Variants in UNC13C observed in about 807,000 individuals in gnomAD.
UNC13C encodes protein unc-13 homolog C.
In UNC13C, 174 loss-of-function variants were observed where a neutral mutation model predicts 245.4. That is an observed-to-expected ratio of 0.71 (90% confidence interval 0.63 to 0.80). The LOEUF is 0.80. Ranked by LOEUF, UNC13C falls within the 30% of genes least tolerant of loss-of-function variation. UNC13C has a pLI of 0.00. For missense variants in UNC13C, 2,829 were observed against 2,602.9 expected, an observed-to-expected ratio of 1.09 and a Z score of -1.89; for synonymous variants, 992 against 895.1, an observed-to-expected ratio of 1.11 and a Z score of -1.93.
At chr15:53,959,302 A>G in the UNC13C span, among the ~76,000 whole-genome samples, 10 of 151,754 alleles carry the variant, frequency 6.6e-5, no homozygotes, top group African/African-American at 2.4e-4. Flanking sequence ...TCTTGTATAT[A>G]TTCTCAGCAG....
chr15:54,236,502 A>T, intron 6 of UNC13C, 67 bp downstream of exon 6: 1 of 1,275,520 alleles, frequency 7.8e-7, no homozygotes, highest in Non-Finnish European at 1.1e-6. Flanking sequence ...GCACTTACTC[A>T]TGGGGTAAAA....
intron 10 of UNC13C, among the ~76,000 whole-genome samples, chr15:54,290,305 TAAG>T (rs1456153272): frequency 6.6e-6 from 1 of 152,068 alleles, no homozygotes. Context: ...GACAGGTTAA[TAAG>T]AAATAATTAG....
intron 4 of UNC13C, among the ~76,000 whole-genome samples, chr15:54,180,390 T>C (rs2141301209): frequency 6.6e-6 from 1 of 152,242 alleles, no homozygotes; most frequent in South Asian, 2.1e-4. Flanking sequence ...AAATTTTGTT[T>C]ATCCAATCCA....
At chr15:54,559,765 A>C (rs769047626) in intron 29 of UNC13C, among the ~76,000 whole-genome samples, 7 of 151,934 alleles carry the variant, frequency 4.6e-5, no homozygotes, top group Non-Finnish European at 7.4e-5. Flanking sequence ...GGCCTATAGA[A>C]AACACAGCAT....
chr15:54,609,445 G>A (rs959370556), intron 30 of UNC13C: 2 of 152,208 alleles, frequency 1.3e-5, no homozygotes, highest in African/African-American at 4.8e-5. Flanking sequence ...CATCAGTGAT[G>A]TATGTATTCT....
At chr15:54,097,205 A>G (rs543496364) in intron 2 of UNC13C, among the ~76,000 whole-genome samples, 96 of 152,332 alleles carry the variant, frequency 6.3e-4, no homozygotes, top group African/African-American at 2.3e-3. Context: ...GTATTTGTCT[A>G]AGACAGTCAC....
chr15:54,129,125 G>A (rs1187285831), intron 2 of UNC13C, among the ~76,000 whole-genome samples: 1 of 152,168 alleles, frequency 6.6e-6, no homozygotes, highest in Non-Finnish European at 1.5e-5. Context: ...AGAATTGTTA[G>A]TTGCGTTTAG....
Position 54,025,184 on chromosome 15 carries a change from C to T in UNC13C, c.2983+9298C>T, listed in dbSNP as rs537657659. Reference sequence around the variant, plus strand: ...TCCCTCATCCCTCCAAGCATCTTCACTGCCCTCAACATATCCTTCATTTTC... The same window carrying T: ...TCCCTCATCCCTCCAAGCATCTTCATTGCCCTCAACATATCCTTCATTTTC... On this transcript the variant is annotated intron_variant, in intron 2 of 32. Coordinates refer to ENST00000260323, the MANE Select transcript of UNC13C (RefSeq NM_001080534.3). 4.6e-5 allele frequency among the ~76,000 whole-genome samples: 7 copies of T among 152,340 alleles called. No individual in the cohort carries two copies. In the South Asian group the frequency reaches 1.5e-3, roughly 32 times the overall value.
At chr15:53,966,102 A>C in the UNC13C span, among the ~76,000 whole-genome samples, 8 of 152,254 alleles carry the variant, frequency 5.3e-5, no homozygotes, top group South Asian at 1.4e-3. Context: ...TGTTAAAGAA[A>C]TTAAGTGGGT....
intron 2 of UNC13C, among the ~76,000 whole-genome samples, chr15:54,100,651 G>A (rs1184502696): frequency 6.6e-6 from 1 of 151,558 alleles, no homozygotes; most frequent in Non-Finnish European, 1.5e-5. Flanking sequence ...AGTTACCTAC[G>A]TGAGAGGTGT....
rs369807708 is a variant in UNC13C, at chr15:54,050,271, A to G, written c.2983+34385A>G. On this transcript the variant is annotated intron_variant, in intron 2 of 32. Coordinates refer to ENST00000260323, the MANE Select transcript of UNC13C (RefSeq NM_001080534.3). The stretch of plus-strand genomic sequence containing the variant: ...ACAGGCGTGAGCCACTGTGTCGGCC[A>G]CTGAAGAGGTTTAATGATTAGCTGC... 1,850 of 567,884 alleles carry G rather than the reference A, an allele frequency of 3.3e-3. 41 individuals carry two copies. The highest frequency in any genetic ancestry group is 0.022 in the South Asian group (1,582 of 73,098). The allele number at this position is 567,884 out of a possible 1,614,324, so 35.2% of individuals were successfully genotyped here. A position where few individuals can be genotyped will look rare whatever the true frequency, so the allele number is the denominator to read the frequency against.
intron 2 of UNC13C, among the ~76,000 whole-genome samples, chr15:54,058,727 A>G (rs1473426382): frequency 6.6e-6 from 1 of 152,186 alleles, no homozygotes; most frequent in African/African-American, 2.4e-5. Flanking sequence ...ATACTGGCAA[A>G]CAGAATCCAG....
At chr15:54,377,155 C>G (rs1000833921) in intron 17 of UNC13C, among the ~76,000 whole-genome samples, 1 of 152,146 alleles carries the variant, frequency 6.6e-6, no homozygotes, top group East Asian at 1.9e-4. Flanking sequence ...ACCACCGCCC[C>G]ACAGGGCTGC....
At chr15:54,541,582 G>A (rs1242043899) in intron 26 of UNC13C, among the ~76,000 whole-genome samples, 2 of 152,086 alleles carry the variant, frequency 1.3e-5, no homozygotes, top group Non-Finnish European at 2.9e-5. Flanking sequence ...ATGGGACATT[G>A]GAAGACAGGC....
At chr15:54,219,160 A>C in intron 4 of UNC13C, among the ~76,000 whole-genome samples, 1 of 152,128 alleles carries the variant, frequency 6.6e-6, no homozygotes, top group Non-Finnish European at 1.5e-5. Context: ...AAGCCAAAAG[A>C]ACAAAGCTGG....
upstream of UNC13C, among the ~76,000 whole-genome samples, chr15:53,977,825 G>GTGATGTTTTTC (rs1566927479): frequency 2.0e-5 from 3 of 152,126 alleles, no homozygotes; most frequent in Admixed American, 2.0e-4. Context: ...CAAATGAAAA[G>GTGATGTTTTTC]ACATTATTCC....
At position 54,014,957 on chromosome 15, in the gene UNC13C, A is replaced by G; in HGVS notation, c.2054A>G (p.Asp685Gly). The G allele has an allele frequency of 6.2e-7, 1 of 1,613,846 alleles. No individual in the cohort carries two copies. The highest frequency in any genetic ancestry group is 1.1e-5 in the South Asian group (1 of 91,078). The part of the protein sequence containing the change: ...GFDYETNSLF[D>G]QQLDVYNKDL... ...GATTATGAAACAAACAGTCTTTTTG[A>G]CCAACAGCTTGATGTTTACAATAAA... Residue 685 changes from aspartate to glycine, a missense_variant, in exon 2 of 33, where the codon GAC (aspartate) becomes GGC (glycine). Coordinates refer to ENST00000260323, the MANE Select transcript of UNC13C (RefSeq NM_001080534.3).
At chr15:54,110,286 A>G (rs1014601646) in intron 2 of UNC13C, among the ~76,000 whole-genome samples, 1 of 152,074 alleles carries the variant, frequency 6.6e-6, no homozygotes, top group Non-Finnish European at 1.5e-5. Flanking sequence ...GCCTCAAAAA[A>G]AAAAAAAAGT....
intron 16 of UNC13C, 38 bp from the exon 17 acceptor site, chr15:54,338,323 C>G: frequency 6.3e-7 from 1 of 1,598,038 alleles, no homozygotes; most frequent in Non-Finnish European, 8.5e-7. Flanking sequence ...CAATGTGTCA[C>G]TGTTGCATTT....
Sources: allele counts gnomAD v4.1 joint callset (sites outside exome capture counted in the v4.1 genomes callset), GRCh38; gene constraint gnomAD v4.1.1; transcripts MANE v1.5; gene names NCBI Gene and HGNC (gene_info 2026-07-23, HGNC 2026-07-21).